PRKN: variants seen among roughly 807,000 people sequenced by gnomAD.
PRKN encodes the protein E3 ubiquitin-protein ligase parkin.
Under a neutral mutation model 59.5 loss-of-function variants are expected in PRKN, and 56 were observed. The observed-to-expected ratio is 0.94, with a 90% CI of 0.76 to 1.18. The LOEUF is 1.18. Ranked by LOEUF, PRKN falls within the 50% of genes most tolerant of loss-of-function variation. The pLI is 0.00. For synonymous variants in PRKN, 250 were observed against 222.1 expected, an observed-to-expected ratio of 1.13 and a Z score of -1.12; for missense variants, 657 against 596.4, an observed-to-expected ratio of 1.10 and a Z score of -1.06.
At chr6:162,525,215 T>C (rs942408423) in intron 1 of PRKN, among the ~76,000 whole-genome samples, 2 of 152,084 alleles carry the variant, frequency 1.3e-5, no homozygotes, top group Non-Finnish European at 2.9e-5. Flanking sequence ...AAGACCACTC[T>C]GACCCTCTGT....
At position 161,462,807 on chromosome 6, in the gene PRKN, C is replaced by A. The variant is rs1193268391; in HGVS notation, c.1084-75930G>T. On this transcript the variant is annotated intron_variant, in intron 9 of 11. Coordinates refer to ENST00000366898, the MANE Select transcript of PRKN (RefSeq NM_004562.3). This position sits in a 1 kb window ranked among gnomAD's most constrained non-coding sequence, Gnocchi z 4.5. ...GAATACACTTTCATCCCAAAATTGGCATACTTTAAATAATCCATGATTTTT... is the reference window on the plus strand; with the variant it reads ...GAATACACTTTCATCCCAAAATTGGAATACTTTAAATAATCCATGATTTTT... Among the ~76,000 whole-genome samples the A allele has an allele frequency of 1.3e-5, 2 of 152,170 alleles. No individual in the cohort carries two copies. Among genetic ancestry groups the A allele is most frequent in the Non-Finnish European group, 2.9e-5 (2 of 68,024 alleles).
intron 7 of PRKN, among the ~76,000 whole-genome samples, chr6:161,622,939 T>C (rs1160043237): frequency 2.0e-5 from 3 of 152,246 alleles, no homozygotes; most frequent in East Asian, 3.8e-4. Flanking sequence ...TTGTGGCTCA[T>C]CTGCGTTGCT....
At chr6:162,715,846 G>C (rs528536339) in intron 1 of PRKN, among the ~76,000 whole-genome samples, 112 of 152,256 alleles carry the variant, frequency 7.4e-4, no homozygotes, top group African/African-American at 2.2e-3. Flanking sequence ...CATCTTGCTG[G>C]GGCCAGCCTC....
chr6:162,558,336 T>TTTTC lies in PRKN; in HGVS notation c.8-114864_8-114863insGAAA, dbSNP rs1554244083. ...AATGCTTTAATTTTCCCTTTTTTTTTTTTTTTTTCTGAGACGGAGTTTCGC... is the reference window on the plus strand; with the variant it reads ...AATGCTTTAATTTTCCCTTTTTTTTTTTTCTTTTTTTTCTGAGACGGAGTTTCGC... On this transcript the variant is annotated intron_variant, in intron 1 of 11. Coordinates refer to ENST00000366898, the MANE Select transcript of PRKN (RefSeq NM_004562.3). 1.3e-3 allele frequency among the ~76,000 whole-genome samples: 203 copies of TTTTC among 151,010 alleles called. 3 individuals are homozygous for TTTTC. Among genetic ancestry groups the TTTTC allele is most frequent in the African/African-American group, 4.5e-3 (184 of 41,304 alleles).
intron 5 of PRKN, among the ~76,000 whole-genome samples, chr6:161,988,848 T>C (rs73606818): frequency 0.02 from 3,112 of 152,210 alleles, 114 homozygotes; most frequent in African/African-American, 0.072. Flanking sequence ...CTGATTATTA[T>C]AACATGTTTG....
intron 9 of PRKN, among the ~76,000 whole-genome samples, chr6:161,469,254 C>CT (rs34727660): frequency 0.081 from 12,387 of 152,120 alleles, 539 homozygotes; most frequent in Middle Eastern, 0.11. Flanking sequence ...GAAGATCTGA[C>CT]TTTTTTTATA....
Position 162,623,288 on chromosome 6 carries a change from A to C in PRKN, c.7+104374T>G, listed in dbSNP as rs192049088. ...CCAATATAGAGATCTTATTTTAAAA[A>C]TTGGCTTTTTTTCTTAATTTCAGAG... On this transcript the variant is annotated intron_variant, in intron 1 of 11. Coordinates refer to ENST00000366898, the MANE Select transcript of PRKN (RefSeq NM_004562.3). 2.5e-4 allele frequency among the ~76,000 whole-genome samples: 29 copies of C among 117,522 alleles called. 1 individual carries two copies. In the East Asian group the frequency reaches 6.1e-3, roughly 25 times the overall value. 77.1% of individuals were successfully genotyped at this position (117,522 alleles called of 152,430 possible).
At chr6:162,286,041 A>G (rs1240516025) in intron 2 of PRKN, among the ~76,000 whole-genome samples, 1 of 152,212 alleles carries the variant, frequency 6.6e-6, no homozygotes, top group African/African-American at 2.4e-5. Flanking sequence ...GCGTGGCAGC[A>G]TAATCAAATT....
intron 5 of PRKN, among the ~76,000 whole-genome samples, chr6:162,049,679 T>A (rs1414267386): frequency 6.6e-6 from 1 of 152,218 alleles, no homozygotes; most frequent in African/African-American, 2.4e-5. Flanking sequence ...TGTTGTTTGT[T>A]CCCTTATTTC....
intron 1 of PRKN, among the ~76,000 whole-genome samples, chr6:162,476,683 C>G (rs1252540177): frequency 6.6e-6 from 1 of 152,040 alleles, no homozygotes; most frequent in Non-Finnish European, 1.5e-5. Context: ...ACCTCATGAA[C>G]AAGAGAAGAT....
At chr6:161,774,886 C>T (rs1224261689) in intron 7 of PRKN, among the ~76,000 whole-genome samples, 1 of 152,270 alleles carries the variant, frequency 6.6e-6, no homozygotes, top group African/African-American at 2.4e-5. Flanking sequence ...AACTCCGAAG[C>T]TTAGGAAGTT....
chr6:162,003,762 T>G (rs1410960841), intron 5 of PRKN, among the ~76,000 whole-genome samples: 1 of 152,180 alleles, frequency 6.6e-6, no homozygotes, highest in Non-Finnish European at 1.5e-5. Context: ...CTGGTGTACT[T>G]GTAAAGAATA....
In PRKN at chr6:162,701,631, A is replaced by C. The variant is rs186458877; in HGVS notation, c.7+26031T>G. Among the ~76,000 whole-genome samples, 3 of 152,204 alleles carry C rather than the reference A, an allele frequency of 2.0e-5. No individual in the cohort carries two copies. The East Asian group carries it at 5.8e-4, about 29-fold the overall frequency. The stretch of plus-strand genomic sequence containing the variant: ...TACCTAGGGCTTGAGACAATGTAGT[A>C]AGACAACCTGTAAAGCTAAGGGTCA... On this transcript the variant is annotated intron_variant, in intron 1 of 11. Coordinates refer to ENST00000366898, the MANE Select transcript of PRKN (RefSeq NM_004562.3).
chr6:162,175,666 G>A (rs1251743046), intron 4 of PRKN, among the ~76,000 whole-genome samples: 1 of 152,136 alleles, frequency 6.6e-6, no homozygotes, highest in African/African-American at 2.4e-5. Flanking sequence ...TAGTGCTGAA[G>A]GCCACCACTT....
At chr6:161,368,725 G>A (rs2114887670) in intron 10 of PRKN, among the ~76,000 whole-genome samples, 1 of 128,110 alleles carries the variant, frequency 7.8e-6, no homozygotes, top group African/African-American at 2.9e-5. Context: ...CTGCCCACCC[G>A]CCCTTCTGCC....
chr6:162,727,186 A>G (rs1168516610), intron 1 of PRKN: 4 of 156,978 alleles, frequency 2.5e-5, no homozygotes, highest in Middle Eastern at 3.1e-3. Flanking sequence ...GGTGCCTTCC[A>G]TTAGAGTTTA....
intron 2 of PRKN, among the ~76,000 whole-genome samples, chr6:162,324,999 T>TA (rs1166074734): frequency 1.3e-5 from 2 of 152,024 alleles, no homozygotes; most frequent in African/African-American, 4.8e-5. Flanking sequence ...TAATTTAATT[T>TA]AAAAAAACTG....
intron 2 of PRKN, among the ~76,000 whole-genome samples, chr6:162,264,311 TA>T (rs1780027385): frequency 6.6e-6 from 1 of 151,962 alleles, no homozygotes. Flanking sequence ...TAAATACAAA[TA>T]AACCAATGCC....
chr6:162,297,159 T>C (rs1781713649), intron 2 of PRKN, among the ~76,000 whole-genome samples: 1 of 148,984 alleles, frequency 6.7e-6, no homozygotes, highest in Non-Finnish European at 1.5e-5. Flanking sequence ...AATCAGATTC[T>C]AGAATTTTTC....
Sources: allele counts gnomAD v4.1 joint callset (sites outside exome capture counted in the v4.1 genomes callset), GRCh38; gene constraint gnomAD v4.1.1; non-coding constraint Gnocchi (gnomAD v3.1); transcripts MANE v1.5; gene names NCBI Gene and HGNC (gene_info 2026-07-23, HGNC 2026-07-21).